Variants in NOL4 observed in about 807,000 individuals in gnomAD.
NOL4 encodes cancer/testis antigen 125.
A neutral mutation model predicts 75.9 loss-of-function variants in NOL4; 17 were observed. That is an observed-to-expected ratio of 0.22 (90% CI 0.15 to 0.34). The LOEUF (loss-of-function observed/expected upper bound fraction) is 0.34, where lower values mean the gene tolerates loss of function less well. Among genes scored for constraint, NOL4 ranks in the 10% least tolerant of loss-of-function variants. The pLI, the probability that NOL4 is intolerant of heterozygous loss-of-function variation, is 1.00. For missense variants in NOL4, 614 were observed against 793.5 expected, an observed-to-expected ratio of 0.77 and a Z score of 2.72; for synonymous variants, 292 against 289.9, an observed-to-expected ratio of 1.01 and a Z score of -0.07.
intron 5 of NOL4, among the ~76,000 whole-genome samples, chr18:34,066,587 G>A (rs1215827187): frequency 6.6e-6 from 1 of 151,692 alleles, no homozygotes; most frequent in African/African-American, 2.4e-5. Context: ...TAGAAAGCTT[G>A]CATGTCAAAT....
At chr18:34,086,489 A>G (rs1307386116) in intron 5 of NOL4, among the ~76,000 whole-genome samples, 2 of 152,132 alleles carry the variant, frequency 1.3e-5, no homozygotes, top group Non-Finnish European at 2.9e-5. Flanking sequence ...AAAAAAGTTA[A>G]CCACTGAATT....
At chr18:34,194,606 T>C (rs1408145142) in intron 1 of NOL4, among the ~76,000 whole-genome samples, 1 of 152,168 alleles carries the variant, frequency 6.6e-6, no homozygotes, top group East Asian at 1.9e-4. Flanking sequence ...TGCTCAAAAT[T>C]TAAATATGTT....
At position 34,224,182 on chromosome 18, in the gene NOL4, T is replaced by C. The variant is rs981722586; in HGVS notation, c.-929A>G. ...CGCTGGCGGCGGGTATCCCGAATAATGATGGGACCCCCAGACAGGACTCCT... is the reference window on the plus strand; with the variant it reads ...CGCTGGCGGCGGGTATCCCGAATAACGATGGGACCCCCAGACAGGACTCCT... On this transcript the variant is annotated 5_prime_UTR_variant, in exon 1 of 11. Coordinates refer to ENST00000261592, the MANE Select transcript of NOL4 (RefSeq NM_003787.5). 2.0e-5 allele frequency: 3 copies of C among 152,466 alleles called. No homozygotes were observed. The highest frequency in any genetic ancestry group is 6.5e-5 in the Admixed American group (1 of 15,310). 9.4% of individuals were successfully genotyped at this position (152,466 alleles called of 1,614,324 possible). A position where few individuals can be genotyped will look rare whatever the true frequency, so the allele number is the denominator to read the frequency against.
chr18:34,032,209 C>T (rs2075670694), intron 5 of NOL4, among the ~76,000 whole-genome samples: 1 of 152,200 alleles, frequency 6.6e-6, no homozygotes, highest in Non-Finnish European at 1.5e-5. Flanking sequence ...TGTGCACATT[C>T]CCCAGCCACC....
intron 2 of NOL4, among the ~76,000 whole-genome samples, chr18:34,129,258 T>C (rs186582929): frequency 1.3e-5 from 2 of 152,002 alleles, no homozygotes; most frequent in East Asian, 3.9e-4. Context: ...TTTTACAAAA[T>C]TTATGACAAA....
At chr18:33,960,781 T>C (rs2070050531) in intron 6 of NOL4, among the ~76,000 whole-genome samples, 1 of 152,190 alleles carries the variant, frequency 6.6e-6, no homozygotes, top group Non-Finnish European at 1.5e-5. Flanking sequence ...AACACTATTC[T>C]ATGCTGTCTC....
chr18:34,105,920 CAAGTTCTCTCATCAA>C (rs370630552), intron 2 of NOL4, among the ~76,000 whole-genome samples: 2,242 of 152,012 alleles, frequency 0.015, 30 homozygotes, highest in South Asian at 0.063. Context: ...TTTCTAAAAC[CAAGTTCTCTCATCAA>C]AGCAAATAAT....
At chr18:33,911,439 A>AT (rs1568049621) in intron 9 of NOL4, among the ~76,000 whole-genome samples, 1 of 151,642 alleles carries the variant, frequency 6.6e-6, no homozygotes, top group Non-Finnish European at 1.5e-5. Context: ...TTTATTTTCT[A>AT]TTTTTTGTCT....
intron 8 of NOL4, among the ~76,000 whole-genome samples, chr18:33,955,224 C>T (rs897475678): frequency 5.3e-5 from 8 of 151,858 alleles, no homozygotes; most frequent in African/African-American, 1.9e-4. Context: ...TTTAAAGAAT[C>T]GCTTAATTCA....
At position 33,925,554 on chromosome 18, in the gene NOL4, C is replaced by CA. The variant is rs139200790; in HGVS notation, c.1542+17510dup. Among the ~76,000 whole-genome samples, 518 of 152,204 alleles carry CA rather than the reference C, an allele frequency of 3.4e-3. 4 individuals are homozygous for CA. The highest frequency in any genetic ancestry group is 0.012 in the African/African-American group (484 of 41,532). ...GGCAATAATTAATGATATAAAAATG[C>CA]AATTAAATTAAACTAATGTGACTTT... On this transcript the variant is annotated intron_variant, in intron 9 of 10. Transcript: ENST00000261592.
At chr18:33,929,236 C>T (rs2067529665) in intron 9 of NOL4, among the ~76,000 whole-genome samples, 1 of 152,170 alleles carries the variant, frequency 6.6e-6, no homozygotes. Context: ...TTGATTTCTT[C>T]ACAACAATCT....
At chr18:33,898,413 C>A (rs1299929608) in intron 9 of NOL4, among the ~76,000 whole-genome samples, 3 of 152,062 alleles carry the variant, frequency 2.0e-5, no homozygotes, top group Non-Finnish European at 4.4e-5. Context: ...GTCTATTTTT[C>A]AGTTTAAATT....
At chr18:33,995,457 T>TA (rs1343485655) in intron 6 of NOL4, among the ~76,000 whole-genome samples, 1 of 151,608 alleles carries the variant, frequency 6.6e-6, no homozygotes, top group Non-Finnish European at 1.5e-5. Context: ...AATTAATATC[T>TA]AAAAAACTGT....
intron 6 of NOL4, among the ~76,000 whole-genome samples, chr18:33,960,035 A>T (rs1404677835): frequency 6.6e-6 from 1 of 152,096 alleles, no homozygotes; most frequent in East Asian, 1.9e-4. Context: ...TTTAAACAAA[A>T]TATTTTATAA....
chr18:33,931,487 T>C (rs1385744141), intron 9 of NOL4, among the ~76,000 whole-genome samples: 2 of 152,102 alleles, frequency 1.3e-5, no homozygotes, highest in African/African-American at 2.4e-5. Flanking sequence ...TCCTAGTACT[T>C]TGGGAGGCCG....
chr18:33,889,353 G>T (rs1185480150), intron 9 of NOL4, among the ~76,000 whole-genome samples: 1 of 152,018 alleles, frequency 6.6e-6, no homozygotes, highest in Non-Finnish European at 1.5e-5. Context: ...AGCAATAACA[G>T]GTTCTGAAAT....
intron 5 of NOL4, among the ~76,000 whole-genome samples, chr18:34,058,376 T>C (rs958144977): frequency 9.9e-5 from 15 of 152,154 alleles, no homozygotes; most frequent in Non-Finnish European, 1.9e-4. Context: ...CCTCGTGATC[T>C]GCCCGCCTTG....
At position 34,089,334 on chromosome 18, in the gene NOL4, G is replaced by T. The variant is rs962249146; in HGVS notation, c.772+4131C>A. On this transcript the variant is annotated intron_variant, in intron 5 of 10. Transcript: ENST00000261592. ...TTTAGATTTTCAAAATATTAAACAG[G>T]GATTTCAGTCAACTGTTAAAATAGG... 4.6e-5 allele frequency among the ~76,000 whole-genome samples: 7 copies of T among 151,938 alleles called. No individual in the cohort carries two copies. The East Asian group carries it at 1.4e-3, about 29-fold the overall frequency.
intron 1 of NOL4, chr18:34,222,095 G>A: frequency 1.3e-6 from 2 of 1,534,608 alleles, no homozygotes; most frequent in Non-Finnish European, 1.7e-6. Flanking sequence ...ATCTTCTTGT[G>A]AAGAAAATCG....
Sources: allele counts gnomAD v4.1 joint callset (sites outside exome capture counted in the v4.1 genomes callset), GRCh38; gene constraint gnomAD v4.1.1; transcripts MANE v1.5; gene names NCBI Gene and HGNC (gene_info 2026-07-23, HGNC 2026-07-21).